PCDHA2: variants seen among roughly 807,000 people sequenced by gnomAD.
PCDHA2 encodes the protein protocadherin alpha 2.
A neutral mutation model predicts 66.0 loss-of-function variants in PCDHA2; 58 were observed. The ratio of observed to expected loss-of-function variants is 0.88; its 90% CI spans 0.71 to 1.09. The LOEUF is 1.09. Ranked by LOEUF, PCDHA2 falls within the 50% of genes least tolerant of loss-of-function variation. PCDHA2 has a pLI of 0.00. For synonymous variants in PCDHA2, 634 were observed against 554.0 expected (o/e 1.14, Z -2.03); for missense variants, 1,267 against 1,242.3 (o/e 1.02, Z -0.30).
chr5:140,878,556 A>C (rs959852623), intron 1 of PCDHA2, among the ~76,000 whole-genome samples: 1 of 152,156 alleles, frequency 6.6e-6, no homozygotes. Context: ...GATGATCCCA[A>C]ACTTATCATA....
In PCDHA2 at chr5:141,003,240, CAA is replaced by C. The variant is rs1287973511; in HGVS notation, c.2537-6383_2537-6382del. ...GAAAGAGGAAAGCTGGAAATTTTGC[CAA>C]AAAGATTCCTGGGCAGTGCCTAAGG... On this transcript the variant is annotated intron_variant, in intron 3 of 3. Transcript: ENST00000526136. Among the ~76,000 whole-genome samples the C allele has an allele frequency of 2.6e-5, 4 of 152,150 alleles. No individual in the cohort carries two copies. In the East Asian group the frequency reaches 7.7e-4, roughly 29 times the overall value.
intron 1 of PCDHA2, chr5:140,858,372 C>CACATCT: frequency 6.3e-7 from 1 of 1,587,864 alleles, no homozygotes; most frequent in Non-Finnish European, 8.6e-7. Flanking sequence ...CCCAGCCTTC[C>CACATCT]ACCATGCCCA....
At chr5:140,988,157 G>A (rs1344911037) in intron 3 of PCDHA2, among the ~76,000 whole-genome samples, 5 of 152,014 alleles carry the variant, frequency 3.3e-5, no homozygotes, top group African/African-American at 7.3e-5. Context: ...AACTTCTGCC[G>A]TTGTCATAGC....
chr5:140,884,733 T>C lies in PCDHA2; in HGVS notation c.2388+87381T>C, dbSNP rs782206169. On this transcript the variant is annotated intron_variant, in intron 1 of 3. Transcript: ENST00000526136. ...TCCTTGCAGTTGTTTGTTTAAGACA[T>C]CTTTCCTGCCAATTTCAAATTATTC... 1.1e-4 allele frequency: 158 copies of C among 1,448,002 alleles called. No homozygotes were observed. The Middle Eastern group carries it at 1.8e-3, about 17-fold the overall frequency. The allele number at this position is 1,448,002 out of a possible 1,614,324, so 89.7% of individuals were successfully genotyped here. A position where few individuals can be genotyped will look rare whatever the true frequency, so the allele number is the denominator to read the frequency against.
At chr5:140,965,403 T>G (rs1241477329) in intron 1 of PCDHA2, among the ~76,000 whole-genome samples, 1 of 151,946 alleles carries the variant, frequency 6.6e-6, no homozygotes, top group Admixed American at 6.6e-5. Flanking sequence ...GTCTAAGGAG[T>G]CTTATATTTA....
Position 140,869,318 on chromosome 5 carries a change from G to C in PCDHA2, c.2388+71966G>C, listed in dbSNP as rs1373742506. ...TTCCGGGTGGCGTCCAAAACACATG[G>C]GGACCTTCTGGAGGTAAATCTGCAG... On this transcript the variant is annotated intron_variant, in intron 1 of 3. Coordinates refer to ENST00000526136, the MANE Select transcript of PCDHA2 (RefSeq NM_018905.3). 3 of 1,613,688 alleles carry C rather than the reference G, an allele frequency of 1.9e-6. No individual in the cohort carries two copies. Among genetic ancestry groups the C allele is most frequent in the Non-Finnish European group, 2.5e-6 (3 of 1,180,020 alleles).
At chr5:140,970,554 G>A (rs72802985) in intron 1 of PCDHA2, among the ~76,000 whole-genome samples, 7,177 of 152,136 alleles carry the variant, frequency 0.047, 194 homozygotes, top group Non-Finnish European at 0.062. Context: ...TTGTGTGTTC[G>A]TCTCCATATG....
rs2150492739 is a variant in PCDHA2 at position 140,850,664 on chromosome 5, C to G, written c.2388+53312C>G. On this transcript the variant is annotated intron_variant, in intron 1 of 3. Coordinates refer to ENST00000526136, the MANE Select transcript of PCDHA2 (RefSeq NM_018905.3). Reference sequence around the variant, plus strand: ...TGCTGCTGTACACTGTGCTGCGGTGCTCGGCGATGCCCACCGAGGGCGAGT... The same window carrying G: ...TGCTGCTGTACACTGTGCTGCGGTGGTCGGCGATGCCCACCGAGGGCGAGT... 4.4e-6 allele frequency: 7 copies of G among 1,598,280 alleles called. No individual in the cohort carries two copies. In the African/African-American group the frequency reaches 9.4e-5, roughly 22 times the overall value.
At chr5:140,883,406 G>T (rs782181791) in intron 1 of PCDHA2, 3 of 1,614,156 alleles carry the variant, frequency 1.9e-6, no homozygotes, top group Non-Finnish European at 1.7e-6. Context: ...TCGTGACTCT[G>T]GCTCAAATGG....
intron 3 of PCDHA2, among the ~76,000 whole-genome samples, chr5:141,005,828 T>A (rs752447584): frequency 6.7e-6 from 1 of 149,690 alleles, no homozygotes; most frequent in African/African-American, 2.5e-5. Context: ...TGGCCTGTAG[T>A]CCCAGCCACT....
intron 1 of PCDHA2, chr5:140,830,575 T>A: frequency 1.1e-6 from 1 of 879,468 alleles, no homozygotes. Context: ...CTGTTTTTAA[T>A]TTTTAATTAA....
intron 1 of PCDHA2, chr5:140,809,265 T>C: frequency 6.2e-7 from 1 of 1,614,084 alleles, no homozygotes. Flanking sequence ...GATGCTGCGC[T>C]GGTGGATGTC....
At chr5:140,843,030 T>C in intron 1 of PCDHA2, 1 of 1,594,962 alleles carries the variant, frequency 6.3e-7, no homozygotes, top group African/African-American at 1.3e-5. Flanking sequence ...GAGCCTCGGG[T>C]GGGTGGCACT....
intron 1 of PCDHA2, chr5:140,877,589 C>T (rs1554169905): frequency 1.2e-6 from 2 of 1,613,848 alleles, no homozygotes; most frequent in Non-Finnish European, 1.7e-6. Context: ...GCCATCTGTG[C>T]GGTGTCCAGC....
intron 1 of PCDHA2, chr5:140,810,985 G>T (rs1259488309): frequency 6.6e-6 from 1 of 152,024 alleles, no homozygotes; most frequent in East Asian, 1.9e-4. Flanking sequence ...TGAGGTAGGG[G>T]TCAAGATTTA....
intron 1 of PCDHA2, chr5:140,836,349 G>T (rs2150258385): frequency 6.2e-7 from 1 of 1,613,710 alleles, no homozygotes; most frequent in Non-Finnish European, 8.5e-7. Context: ...GGACCACGGG[G>T]AGCCCTCGCT....
Position 140,857,721 on chromosome 5 carries a change from AC to A in PCDHA2, c.2388+60370del, listed in dbSNP as rs1554150568. ...CTGCAGGTGTTCGTGCTGGACGAGA[AC>A]GACAACGCTCCCGCGCTGCTGGCGT... On this transcript the variant is annotated intron_variant, in intron 1 of 3. Transcript: ENST00000526136. 4.4e-6 allele frequency: 7 copies of A among 1,597,360 alleles called. 1 individual carries two copies. In the Admixed American group the frequency reaches 1.0e-4, roughly 23 times the overall value.
chr5:140,878,370 T>G (rs1049956194), intron 1 of PCDHA2, among the ~76,000 whole-genome samples: 1 of 152,272 alleles, frequency 6.6e-6, no homozygotes, highest in Non-Finnish European at 1.5e-5. Context: ...GTCTGACATA[T>G]GATGAATGAT....
At position 140,835,744 on chromosome 5, in the gene PCDHA2, C is replaced by T. The variant is rs2150243838; in HGVS notation, c.2388+38392C>T. On this transcript the variant is annotated intron_variant, in intron 1 of 3. Coordinates refer to ENST00000526136, the MANE Select transcript of PCDHA2 (RefSeq NM_018905.3). ...GCCGACGTGAACGACAACGCCCCGG[C>T]GTTCGCGCAGCCCGAGTATACGGTG... is the stretch of plus-strand genomic sequence containing the variant. The T allele has an allele frequency of 5.6e-6, 9 of 1,613,652 alleles. No homozygotes were observed. The Admixed American group carries it at 1.3e-4, about 24-fold the overall frequency.
Sources: gnomAD v4.1 joint callset for allele counts (sites outside exome capture counted in the v4.1 genomes callset) on GRCh38, gnomAD v4.1.1 for gene constraint, MANE v1.5 for transcripts, NCBI Gene and HGNC (gene_info 2026-07-23, HGNC 2026-07-21) for gene names.